The following JAKMIP3 variants were observed in gnomAD, a reference collection of about 807,000 sequenced individuals.
The protein encoded by JAKMIP3 is Janus kinase and microtubule interacting protein 3.
A neutral mutation model predicts 118.5 loss-of-function variants in JAKMIP3; 58 were observed. The ratio of observed to expected loss-of-function variants is 0.49; its 90% CI spans 0.40 to 0.61. The LOEUF (loss-of-function observed/expected upper bound fraction) is 0.61, where lower values mean the gene tolerates loss of function less well. Ranked by LOEUF, JAKMIP3 falls within the 20% of genes least tolerant of loss-of-function variation. The probability of loss-of-function intolerance (pLI) is 0.00; values close to 1 mark genes in which losing one functional copy is unlikely to be tolerated. For missense variants in JAKMIP3, 950 were observed against 1,109.0 expected (o/e 0.86, Z 2.04); for synonymous variants, 486 against 451.2 (o/e 1.08, Z -0.98).
chr10:132,067,555 C>G (rs1432201559), intron 1 of JAKMIP3, among the ~76,000 whole-genome samples: 1 of 152,272 alleles, frequency 6.6e-6, no homozygotes, highest in Non-Finnish European at 1.5e-5. Flanking sequence ...AAGTAAGTGT[C>G]CTATACATGT....
rs761374268 is a variant in JAKMIP3, at chr10:132,153,951, G to A, written c.2181G>A (p.Glu727=). Residue 727 remains glutamate, a synonymous_variant, in exon 19 of 24, where the codon GAG becomes GAA. Transcript: ENST00000684848. ...FSKQKGYLDE[E]LDYRKQALDQ... is the part of the protein sequence containing the mutation. ...AGCAGAAGGGCTACCTGGACGAGGA[G>A]CTGGACTACCGGAAACAGGCCTTGG... 5 of 1,613,140 alleles carry A rather than the reference G, an allele frequency of 3.1e-6. No homozygotes were observed. Among genetic ancestry groups the A allele is most frequent in the Non-Finnish European group, 4.2e-6 (5 of 1,179,880 alleles).
chr10:132,116,017 G>A (rs2047588787), intron 2 of JAKMIP3, among the ~76,000 whole-genome samples: 1 of 152,360 alleles, frequency 6.6e-6, no homozygotes, highest in Admixed American at 6.5e-5. Context: ...AGCGGTCCCG[G>A]CACTGTGGTC....
chr10:132,147,923 C>A, intron 13 of JAKMIP3, 29 bp from the exon 14 acceptor site: 1 of 1,486,256 alleles, frequency 6.7e-7, no homozygotes, highest in East Asian at 2.4e-5. Flanking sequence ...GAACCAGACC[C>A]CTCACCTCAT....
At chr10:132,071,906 C>T (rs117497933) in intron 1 of JAKMIP3, among the ~76,000 whole-genome samples, 164 of 134,166 alleles carry the variant, frequency 1.2e-3, no homozygotes, top group Middle Eastern at 3.6e-3. Context: ...TCTTTCTTCC[C>T]TTCCTTCCTT....
chr10:132,055,305 C>T (rs2038208857), intron 1 of JAKMIP3, among the ~76,000 whole-genome samples: 1 of 152,112 alleles, frequency 6.6e-6, no homozygotes, highest in South Asian at 2.1e-4. Context: ...AATAAATTGT[C>T]CAAGTATCAA....
intron 1 of JAKMIP3, among the ~76,000 whole-genome samples, chr10:132,095,083 C>T (rs954841451): frequency 1.3e-5 from 2 of 152,180 alleles, no homozygotes; most frequent in African/African-American, 4.8e-5. Flanking sequence ...ACTGTGTCCC[C>T]CACAGCAGCC....
rs771474428 is a variant in JAKMIP3, at chr10:132,137,157, G to A, written c.1248+7G>A. On this transcript the variant is annotated splice_region_variant and intron_variant, in intron 7 of 23. Transcript: ENST00000684848. Reference sequence around the variant, plus strand: ...CATAGATGAACTGTCTAAGGTACCCGGCGGGCTGTTTGCTGCGGCCCCGTC... The same window carrying A: ...CATAGATGAACTGTCTAAGGTACCCAGCGGGCTGTTTGCTGCGGCCCCGTC... 60 of 1,613,860 alleles carry A rather than the reference G, an allele frequency of 3.7e-5. No homozygotes were observed. The highest frequency in any genetic ancestry group is 1.9e-4 in the South Asian group (17 of 91,076).
At chr10:132,177,582 G>T (rs1435341061) in intron 23 of JAKMIP3, among the ~76,000 whole-genome samples, 2 of 147,724 alleles carry the variant, frequency 1.4e-5, no homozygotes, top group Non-Finnish European at 3.0e-5. Flanking sequence ...CCTGTGCCCT[G>T]GGTAGGGTGC....
chr10:132,133,434 G>A lies in JAKMIP3; in HGVS notation c.756G>A (p.Gln252=). ...AGGCTCTAGATGAGCAGCTGTCCCA[G>A]GTCCGAGAGGCCGACCGGCACCCGG... is the stretch of plus-strand genomic sequence containing the variant. ...QKEALDEQLS[Q]VREADRHPGS... Residue 252 remains glutamine, a synonymous_variant, in exon 4 of 24, where the codon CAG becomes CAA. Transcript: ENST00000684848. 1 of 1,590,946 alleles carries A rather than the reference G, an allele frequency of 6.3e-7. No individual in the cohort carries two copies. Among genetic ancestry groups the A allele is most frequent in the Non-Finnish European group, 8.6e-7 (1 of 1,169,168 alleles).
chr10:132,041,866 TTTC>T (rs2037765734), intron 1 of JAKMIP3, among the ~76,000 whole-genome samples: 2 of 151,772 alleles, frequency 1.3e-5, no homozygotes, highest in African/African-American at 4.9e-5. Flanking sequence ...TTTTCTTTCT[TTTC>T]TTTTTTTTTT....
intron 2 of JAKMIP3, among the ~76,000 whole-genome samples, chr10:132,113,961 G>A (rs895383807): frequency 2.6e-5 from 4 of 152,236 alleles, no homozygotes; most frequent in Non-Finnish European, 5.9e-5. Flanking sequence ...TGTGCCGTGC[G>A]ACTTTGTAGA....
intron 3 of JAKMIP3, among the ~76,000 whole-genome samples, chr10:132,131,201 T>G (rs1383846596): frequency 1.7e-5 from 1 of 57,418 alleles, no homozygotes; most frequent in Non-Finnish European, 3.4e-5. Context: ...GGGGGCGTTG[T>G]GGGGAGACGG....
intron 15 of JAKMIP3, 25 bp downstream of exon 15, chr10:132,149,535 TC>T: frequency 1.1e-6 from 1 of 928,654 alleles, no homozygotes; most frequent in African/African-American, 4.1e-5. Flanking sequence ...TCCTGCCCAC[TC>T]CGCCCCCACC....
chr10:132,139,975 A>G (rs2135907455), intron 9 of JAKMIP3, among the ~76,000 whole-genome samples: 1 of 152,270 alleles, frequency 6.6e-6, no homozygotes, highest in East Asian at 1.9e-4. Flanking sequence ...CGTCGGGGTG[A>G]ACCTGGAGGG....
intron 2 of JAKMIP3, among the ~76,000 whole-genome samples, chr10:132,108,390 A>G (rs909201389): frequency 3.3e-5 from 5 of 152,022 alleles, no homozygotes; most frequent in African/African-American, 4.8e-5. Flanking sequence ...GATTTCCAAC[A>G]TTAAAGGAGT....
At chr10:132,054,112 C>T (rs367939573) in intron 1 of JAKMIP3, among the ~76,000 whole-genome samples, 2 of 151,270 alleles carry the variant, frequency 1.3e-5, no homozygotes, top group East Asian at 1.9e-4. Flanking sequence ...CGTCAGTTTT[C>T]AGCTCATTTC....
chr10:132,061,918 G>A (rs376224699), upstream of JAKMIP3, among the ~76,000 whole-genome samples: 3 of 152,300 alleles, frequency 2.0e-5, no homozygotes, highest in Non-Finnish European at 4.4e-5. Flanking sequence ...CTGAGGCTTC[G>A]CCAACACTGG....
upstream of JAKMIP3, among the ~76,000 whole-genome samples, chr10:132,063,186 T>C (rs1230174912): frequency 2.0e-5 from 3 of 152,172 alleles, no homozygotes; most frequent in Non-Finnish European, 4.4e-5. Flanking sequence ...AGGGACGGGC[T>C]GTGGGATCAG....
chr10:132,140,770 G>A (rs911529018), intron 10 of JAKMIP3, among the ~76,000 whole-genome samples, 191 bp downstream of exon 10: 7 of 152,234 alleles, frequency 4.6e-5, no homozygotes, highest in African/African-American at 1.7e-4. Context: ...AGCTGACTCG[G>A]GCACGGTGAG....
Sources: gnomAD v4.1 joint callset for allele counts (sites outside exome capture counted in the v4.1 genomes callset) on GRCh38, gnomAD v4.1.1 for gene constraint, MANE v1.5 for transcripts, NCBI Gene and HGNC (gene_info 2026-07-23, HGNC 2026-07-21) for gene names.